Variants in CMIP observed in about 807,000 individuals in gnomAD.
CMIP encodes the protein C-Maf-inducing protein.
Under a neutral mutation model 97.3 loss-of-function variants are expected in CMIP, and 13 were observed. The observed-to-expected ratio is 0.13, with a 90% CI of 0.09 to 0.21. The LOEUF (loss-of-function observed/expected upper bound fraction) is 0.21, where lower values mean the gene tolerates loss of function less well. Ranked by LOEUF, CMIP falls within the 10% of genes least tolerant of loss-of-function variation. CMIP has a pLI of 1.00. For synonymous variants in CMIP, 538 were observed against 436.3 expected (o/e 1.23, Z -2.91); for missense variants, 847 against 1,024.9 (o/e 0.83, Z 2.37).
At chr16:81,673,914 T>C (rs1323421564) in intron 9 of CMIP, among the ~76,000 whole-genome samples, 6 of 152,042 alleles carry the variant, frequency 3.9e-5, no homozygotes, top group African/African-American at 1.4e-4. Flanking sequence ...AGCAGGAGGG[T>C]ATTTCAGTCT....
chr16:81,685,174 G>T (rs987994556), intron 10 of CMIP, among the ~76,000 whole-genome samples: 4 of 152,194 alleles, frequency 2.6e-5, no homozygotes, highest in Non-Finnish European at 5.9e-5. Flanking sequence ...TTCCAAGCTG[G>T]TCTGGGCCGA....
intron 1 of CMIP, among the ~76,000 whole-genome samples, chr16:81,534,541 T>C (rs915934669): frequency 6.6e-6 from 1 of 152,200 alleles, no homozygotes; most frequent in Non-Finnish European, 1.5e-5. Flanking sequence ...TTATATATTT[T>C]TCTGTGGTCA....
intron 1 of CMIP, among the ~76,000 whole-genome samples, chr16:81,528,244 T>G (rs530964041): frequency 6.6e-6 from 1 of 152,328 alleles, no homozygotes; most frequent in African/African-American, 2.4e-5. Context: ...AGGAGATGGT[T>G]GAAATTGGCG....
intron 1 of CMIP, among the ~76,000 whole-genome samples, chr16:81,504,461 G>A (rs1489325444): frequency 6.6e-6 from 1 of 151,690 alleles, no homozygotes; most frequent in African/African-American, 2.4e-5. Context: ...TGGCCAACAT[G>A]GTGAAACTCT....
intron 6 of CMIP, among the ~76,000 whole-genome samples, chr16:81,661,888 G>C (rs908619406): frequency 6.6e-6 from 1 of 152,058 alleles, no homozygotes. Flanking sequence ...CACACCTTCT[G>C]GTCTGAGTGC....
chr16:81,706,593 T>C (rs1171522559), intron 19 of CMIP, among the ~76,000 whole-genome samples: 1 of 152,212 alleles, frequency 6.6e-6, no homozygotes, highest in Non-Finnish European at 1.5e-5. Flanking sequence ...CCCGTGCGAC[T>C]CCAACACAAA....
At chr16:81,451,393 C>A (rs1906206095) in intron 1 of CMIP, among the ~76,000 whole-genome samples, 1 of 152,214 alleles carries the variant, frequency 6.6e-6, no homozygotes, top group Admixed American at 6.5e-5. Flanking sequence ...ACTGTGAGTC[C>A]ATTAAACCTC....
intron 2 of CMIP, chr16:81,620,505 C>A: frequency 4.3e-6 from 1 of 230,926 alleles, no homozygotes. Flanking sequence ...CACAGGCCCC[C>A]AGCCAGCCCC....
intron 1 of CMIP, among the ~76,000 whole-genome samples, chr16:81,582,165 A>C (rs2091306815): frequency 6.6e-6 from 1 of 152,226 alleles, no homozygotes; most frequent in East Asian, 1.9e-4. Context: ...TGCCCCCATG[A>C]TCCAATCACC....
At chr16:81,708,979 TA>T (rs757017705) in intron 20 of CMIP, among the ~76,000 whole-genome samples, 10 of 152,286 alleles carry the variant, frequency 6.6e-5, no homozygotes, top group Non-Finnish European at 1.5e-4. Context: ...AGGGAGGATG[TA>T]AAGGCATGAG....
At chr16:81,509,674 G>A (rs2089775046) in intron 1 of CMIP, among the ~76,000 whole-genome samples, 1 of 152,170 alleles carries the variant, frequency 6.6e-6, no homozygotes, top group Non-Finnish European at 1.5e-5. Flanking sequence ...TTGGGGTCAG[G>A]GCTCCAACCC....
chr16:81,694,912 G>T (rs1906531104), intron 13 of CMIP, among the ~76,000 whole-genome samples: 1 of 152,218 alleles, frequency 6.6e-6, no homozygotes, highest in African/African-American at 2.4e-5. Context: ...AAATGTCAGG[G>T]ACCAGTGAGT....
intron 1 of CMIP, among the ~76,000 whole-genome samples, chr16:81,578,051 A>G (rs1309923578): frequency 3.3e-5 from 5 of 149,640 alleles, no homozygotes; most frequent in African/African-American, 5.0e-5. Flanking sequence ...TATTATCACT[A>G]TCACCATCAC....
At chr16:81,530,242 A>G (rs894520953) in intron 1 of CMIP, among the ~76,000 whole-genome samples, 12 of 152,186 alleles carry the variant, frequency 7.9e-5, no homozygotes, top group African/African-American at 2.7e-4. Context: ...CAGCCTTCTT[A>G]CTAGAGGATT....
intron 1 of CMIP, among the ~76,000 whole-genome samples, chr16:81,523,207 A>C (rs1375322361): frequency 6.6e-6 from 1 of 152,140 alleles, no homozygotes; most frequent in African/African-American, 2.4e-5. Context: ...GGTGTGAGCT[A>C]CCGCGCTTTG....
intron 9 of CMIP, among the ~76,000 whole-genome samples, chr16:81,678,055 C>G (rs1904449398): frequency 6.6e-6 from 1 of 152,206 alleles, no homozygotes. Flanking sequence ...TAGAGACAGG[C>G]AACCTGGGTT....
At chr16:81,596,462 G>A (rs1249149241) in intron 1 of CMIP, among the ~76,000 whole-genome samples, 7 of 147,816 alleles carry the variant, frequency 4.7e-5, no homozygotes, top group African/African-American at 1.3e-4. Flanking sequence ...AGCCAGGATC[G>A]TGCCATTGCA....
chr16:81,467,997 C>T (rs761952825), intron 1 of CMIP, among the ~76,000 whole-genome samples: 5 of 151,832 alleles, frequency 3.3e-5, no homozygotes, highest in Admixed American at 6.6e-5. Flanking sequence ...AGCGATCCTC[C>T]CATCCCAGCC....
At chr16:81,667,826 G>C (rs868270559) in intron 7 of CMIP, among the ~76,000 whole-genome samples, 13 of 151,652 alleles carry the variant, frequency 8.6e-5, no homozygotes, top group South Asian at 2.1e-4. Context: ...GTGTGTGTGT[G>C]TGTGTGTGTG....
Sources: gnomAD v4.1 joint callset for allele counts (sites outside exome capture counted in the v4.1 genomes callset) on GRCh38, gnomAD v4.1.1 for gene constraint, MANE v1.5 for transcripts, NCBI Gene and HGNC (gene_info 2026-07-23, HGNC 2026-07-21) for gene names.